Variants in CEP120 observed in about 807,000 individuals in gnomAD.
The protein encoded by CEP120 is centrosomal protein 120.
Under a neutral mutation model 126.5 loss-of-function variants are expected in CEP120, and 113 were observed. The observed-to-expected ratio is 0.89, with a 90% CI of 0.77 to 1.04. The LOEUF (loss-of-function observed/expected upper bound fraction) is 1.04, where lower values mean the gene tolerates loss of function less well. Ranked by LOEUF, CEP120 falls within the 50% of genes least tolerant of loss-of-function variation. The probability of loss-of-function intolerance (pLI) is 0.00; values close to 1 mark genes in which losing one functional copy is unlikely to be tolerated. For missense variants in CEP120, 1,230 were observed against 1,155.7 expected (o/e 1.06, Z -0.93); for synonymous variants, 400 against 394.3 (o/e 1.01, Z -0.17).
intron 10 of CEP120, among the ~76,000 whole-genome samples, chr5:123,385,598 C>T (rs1258611938): frequency 6.7e-6 from 1 of 148,750 alleles, no homozygotes; most frequent in Non-Finnish European, 1.5e-5. Flanking sequence ...GTATCCCTAT[C>T]TTTAATTCAC....
In CEP120 at chr5:123,413,947, G is replaced by A. The variant is rs563093419; in HGVS notation, c.322-1407C>T. Among the ~76,000 whole-genome samples the A allele has an allele frequency of 2.6e-5, 4 of 152,168 alleles. No individual in the cohort carries two copies. The South Asian group carries it at 8.3e-4, about 32-fold the overall frequency. On this transcript the variant is annotated intron_variant, in intron 3 of 19. Transcript: ENST00000306467. Reference sequence around the variant, plus strand: ...TTTTCTGTTTATATTTATTTACAGAGAATCAATTTATTTTGAACTTCAAAT... The same window carrying A: ...TTTTCTGTTTATATTTATTTACAGAAAATCAATTTATTTTGAACTTCAAAT...
intron 4 of CEP120, among the ~76,000 whole-genome samples, chr5:123,403,543 A>G (rs1307576787): frequency 6.6e-6 from 1 of 152,260 alleles, no homozygotes; most frequent in Non-Finnish European, 1.5e-5. Flanking sequence ...AATTGAATAT[A>G]TTCATAATTT....
chr5:123,379,701 A>T (rs956814269), intron 14 of CEP120, among the ~76,000 whole-genome samples: 2 of 150,152 alleles, frequency 1.3e-5, no homozygotes, highest in Admixed American at 1.3e-4. Context: ...TTTATTCTCC[A>T]GGGTATCAAC....
Position 123,350,212 on chromosome 5 carries a change from CT to C in CEP120, c.2581-124del, listed in dbSNP as rs35423173. On this transcript the variant is annotated intron_variant, in intron 18 of 19. Coordinates refer to ENST00000306467, the MANE Select transcript of CEP120 (RefSeq NM_001375405.1). ...ATGATATAGCCACACACTGCCAATTCTTTTTTTTTTTAACAGAGTCTCACTG... is the reference window on the plus strand; with the variant it reads ...ATGATATAGCCACACACTGCCAATTCTTTTTTTTTTAACAGAGTCTCACTG... 401,666 of 662,232 alleles carry C rather than the reference CT, an allele frequency of 0.61. 107,292 individuals carry two copies. Among genetic ancestry groups the C allele is most frequent in the Middle Eastern group, 0.68 (1,931 of 2,852 alleles). The allele number at this position is 662,232 out of a possible 1,614,324, so 41.0% of individuals were successfully genotyped here.
At chr5:123,398,945 G>A (rs1226572269) in intron 5 of CEP120, among the ~76,000 whole-genome samples, 191 bp downstream of exon 5, 1 of 151,492 alleles carries the variant, frequency 6.6e-6, no homozygotes, top group African/African-American at 2.4e-5. Context: ...TTACAATCAA[G>A]ATCATCAAAA....
rs554732752 is a variant in CEP120, at chr5:123,376,246, G to T, written c.2358+1128C>A. Among the ~76,000 whole-genome samples the T allele has an allele frequency of 3.3e-5, 5 of 152,234 alleles. No individual in the cohort carries two copies. In the South Asian group the frequency reaches 1.0e-3, roughly 32 times the overall value. ...GACTTGAGGAGGATGAATTAGGGAAGATTTCTAGGAGTGGGTGATGCTTTA... is the reference window on the plus strand; with the variant it reads ...GACTTGAGGAGGATGAATTAGGGAATATTTCTAGGAGTGGGTGATGCTTTA... On this transcript the variant is annotated intron_variant, in intron 16 of 19. Transcript: ENST00000306467.
At chr5:123,403,113 G>A (rs1454676802) in intron 4 of CEP120, 1 of 350,976 alleles carries the variant, frequency 2.8e-6, no homozygotes, top group African/African-American at 2.2e-5. Context: ...ATACAAATGT[G>A]TGTATGTATT....
chr5:123,366,050 T>C (rs1209822373), intron 17 of CEP120, among the ~76,000 whole-genome samples: 2 of 151,486 alleles, frequency 1.3e-5, no homozygotes, highest in Admixed American at 6.6e-5. Context: ...TGTATAGTTA[T>C]AGATATAATT....
chr5:123,402,876 T>C (rs1241042060), intron 4 of CEP120, among the ~76,000 whole-genome samples: 2 of 152,174 alleles, frequency 1.3e-5, no homozygotes, highest in Non-Finnish European at 2.9e-5. Flanking sequence ...CCCTAATGAA[T>C]GAGATCAGGT....
At chr5:123,372,973 T>C (rs1039687831) in intron 16 of CEP120, among the ~76,000 whole-genome samples, 1 of 152,112 alleles carries the variant, frequency 6.6e-6, no homozygotes, top group African/African-American at 2.4e-5. Context: ...ACAAAAACTT[T>C]TGAAGAGTAT....
At chr5:123,414,701 T>G (rs945286507) in intron 3 of CEP120, among the ~76,000 whole-genome samples, 5 of 151,974 alleles carry the variant, frequency 3.3e-5, no homozygotes, top group African/African-American at 1.2e-4. Flanking sequence ...GCGCGGTGGC[T>G]CACGCCTGTA....
At chr5:123,347,736 C>T (rs1005136102) in intron 19 of CEP120, among the ~76,000 whole-genome samples, 1 of 152,116 alleles carries the variant, frequency 6.6e-6, no homozygotes, top group Non-Finnish European at 1.5e-5. Flanking sequence ...GCCTCGACCT[C>T]CTGGGCTCAA....
intron 4 of CEP120, among the ~76,000 whole-genome samples, chr5:123,407,617 T>C (rs953189455): frequency 6.6e-6 from 1 of 152,172 alleles, no homozygotes; most frequent in Non-Finnish European, 1.5e-5. Context: ...GAGAAATAGT[T>C]GAATCCAACT....
chr5:123,422,513 G>A, intron 1 of CEP120: 2 of 1,535,542 alleles, frequency 1.3e-6, no homozygotes, highest in Non-Finnish European at 1.7e-6. Flanking sequence ...GTAGTCCCCT[G>A]AGTCCTCCAG....
chr5:123,385,473 T>C (rs969706249), intron 10 of CEP120, among the ~76,000 whole-genome samples: 1 of 152,194 alleles, frequency 6.6e-6, no homozygotes, highest in Non-Finnish European at 1.5e-5. Flanking sequence ...CTAGAAGCAA[T>C]AGGCTATTCC....
In CEP120 at chr5:123,412,734, C is replaced by T. The variant is rs1412846531; in HGVS notation, c.322-194G>A. On this transcript the variant is annotated intron_variant, in intron 3 of 19. Transcript: ENST00000306467. ...ACTGAATTTCCCTCTAGAAAAACTA[C>T]GTAGAAATTTAAATTGTTTTCTTTG... 1.1e-4 allele frequency among the ~76,000 whole-genome samples: 16 copies of T among 152,040 alleles called. No homozygotes were observed. In the East Asian group the frequency reaches 1.3e-3, roughly 13 times the overall value.
intron 18 of CEP120, among the ~76,000 whole-genome samples, chr5:123,359,479 C>T (rs1769909261): frequency 6.6e-6 from 1 of 152,054 alleles, no homozygotes; most frequent in Non-Finnish European, 1.5e-5. Context: ...AAGCAGACAA[C>T]TTCACTTGAG....
intron 4 of CEP120, chr5:123,402,424 T>C: frequency 3.4e-6 from 4 of 1,189,508 alleles, no homozygotes; most frequent in Non-Finnish European, 3.3e-6. Flanking sequence ...TTGGTCTGTT[T>C]TTTGTTTTTT....
chr5:123,388,336 T>C lies in CEP120; in HGVS notation c.1430+96A>G, dbSNP rs546097933. On this transcript the variant is annotated intron_variant, in intron 9 of 19. Transcript: ENST00000306467. ...TAGTCCACTGATTTAACAAATGTTA[T>C]AACTTCTTTGGTGACATTTCTCTCT... The C allele has an allele frequency of 2.9e-4, 232 of 811,114 alleles. No homozygotes were observed. In the African/African-American group the frequency reaches 3.4e-3, roughly 12 times the overall value. The allele number at this position is 811,114 out of a possible 1,614,324, so 50.2% of individuals were successfully genotyped here.
Sources: allele counts gnomAD v4.1 joint callset (sites outside exome capture counted in the v4.1 genomes callset), GRCh38; gene constraint gnomAD v4.1.1; transcripts MANE v1.5; gene names NCBI Gene and HGNC (gene_info 2026-07-23, HGNC 2026-07-21).